COG6: variants seen among roughly 807,000 people sequenced by gnomAD.
COG6 encodes component of oligomeric golgi complex 6, also known as conserved oligomeric Golgi complex subunit 6.
COG6 carries 74 observed loss-of-function variants against 88.8 expected under a neutral mutation model. The ratio of observed to expected loss-of-function variants is 0.83; its 90% CI spans 0.69 to 1.01. COG6 has a LOEUF of 1.01. COG6 is among the 50% of genes least tolerant of loss of function. The probability of loss-of-function intolerance (pLI) is 0.00; values close to 1 mark genes in which losing one functional copy is unlikely to be tolerated. For synonymous variants in COG6, 286 were observed against 278.7 expected (o/e 1.03, Z -0.26); for missense variants, 800 against 797.9 (o/e 1.00, Z -0.03).
intron 8 of COG6, among the ~76,000 whole-genome samples, chr13:39,682,951 C>T (rs561342296): frequency 1.6e-4 from 24 of 152,054 alleles, no homozygotes; most frequent in African/African-American, 5.3e-4. Flanking sequence ...CGAGGGGACT[C>T]TTACCAAGGT....
At chr13:39,668,458 C>T (rs892370346) in intron 4 of COG6, among the ~76,000 whole-genome samples, 2 of 152,102 alleles carry the variant, frequency 1.3e-5, no homozygotes, top group African/African-American at 4.8e-5. Context: ...AAATGTTAAA[C>T]TTTATATTTT....
At chr13:39,689,587 A>G (rs992546476) in intron 10 of COG6, among the ~76,000 whole-genome samples, 173 bp from the exon 11 acceptor site, 1 of 152,104 alleles carries the variant, frequency 6.6e-6, no homozygotes. Flanking sequence ...ATGTTAACAC[A>G]ATTAGTAATG....
At chr13:39,783,491 T>A (rs2138190558) in intron 18 of COG6, among the ~76,000 whole-genome samples, 1 of 152,340 alleles carries the variant, frequency 6.6e-6, no homozygotes, top group South Asian at 2.1e-4. Flanking sequence ...TGCCTTATTT[T>A]AAAATTGTTC....
intron 18 of COG6, among the ~76,000 whole-genome samples, chr13:39,738,223 C>T (rs1879868173): frequency 6.6e-6 from 1 of 152,062 alleles, no homozygotes; most frequent in Non-Finnish European, 1.5e-5. Flanking sequence ...CTTCTATTTG[C>T]TCATCTTTCT....
At chr13:39,670,273 T>G (rs1875545408) in intron 4 of COG6, among the ~76,000 whole-genome samples, 1 of 152,132 alleles carries the variant, frequency 6.6e-6, no homozygotes, top group South Asian at 2.1e-4. Context: ...AACATACCTT[T>G]GTATTTTTAA....
Position 39,719,805 on chromosome 13 carries a change from G to A in COG6, c.1562G>A (p.Arg521His), listed in dbSNP as rs780630711. 1.6e-5 allele frequency: 25 copies of A among 1,611,622 alleles called. No individual in the cohort carries two copies. The highest frequency in any genetic ancestry group is 1.3e-4 in the Admixed American group (8 of 59,840). The change falls in exon 15 of 19, where the codon CGT becomes CAT. Residue 521 changes from arginine (R) to histidine (H), a missense_variant. Physicochemically the swap from Arg to His is conservative, Grantham distance 29. Transcript: ENST00000455146. ...GCTCTATTTGAATTCACTGACAGAC[G>A]TCTGGAAATGCTACAGTTTCAGGTA... is the stretch of plus-strand genomic sequence containing the variant. ...TLALFEFTDR[R>H]LEMLQFQIEA...
At chr13:39,662,018 AC>A (rs1489435436) in intron 3 of COG6, among the ~76,000 whole-genome samples, 5 of 151,672 alleles carry the variant, frequency 3.3e-5, no homozygotes, top group Non-Finnish European at 2.9e-5. Flanking sequence ...ATGTTTTTAT[AC>A]TTTTCATCAT....
intron 18 of COG6, among the ~76,000 whole-genome samples, chr13:39,771,148 C>T (rs1315769473): frequency 1.3e-5 from 2 of 152,118 alleles, no homozygotes; most frequent in African/African-American, 4.8e-5. Flanking sequence ...CCTGCCACTG[C>T]TTAGGGTCAT....
At position 39,677,583 on chromosome 13, in the gene COG6, T is replaced by G; in HGVS notation, c.540+4T>G. On this transcript the variant is annotated splice_donor_region_variant and intron_variant, in intron 5 of 18. Transcript: ENST00000455146. ...AAGAGAAGGACCCATTACTGAGGTATCCTGGCTTTCTGTTATAATCATTTA... is the reference window on the plus strand; with the variant it reads ...AAGAGAAGGACCCATTACTGAGGTAGCCTGGCTTTCTGTTATAATCATTTA... 6.5e-7 allele frequency: 1 copy of G among 1,527,992 alleles called. No homozygotes were observed. Among genetic ancestry groups the G allele is most frequent in the Non-Finnish European group, 9.1e-7 (1 of 1,103,316 alleles). 94.7% of individuals were successfully genotyped at this position (1,527,992 alleles called of 1,614,324 possible).
At chr13:39,665,715 G>C (rs1875212449) in intron 4 of COG6, among the ~76,000 whole-genome samples, 1 of 152,200 alleles carries the variant, frequency 6.6e-6, no homozygotes, top group Non-Finnish European at 1.5e-5. Context: ...CTCATGTGTG[G>C]AGTAGTATAG....
chr13:39,737,719 A>G (rs1431861888), intron 18 of COG6, among the ~76,000 whole-genome samples: 2 of 151,918 alleles, frequency 1.3e-5, no homozygotes, highest in Non-Finnish European at 2.9e-5. Context: ...CACAGCACAG[A>G]AGCTTGCCCA....
chr13:39,669,389 C>T (rs1875480891), intron 4 of COG6, among the ~76,000 whole-genome samples: 1 of 152,164 alleles, frequency 6.6e-6, no homozygotes, highest in South Asian at 2.1e-4. Context: ...CCTTTTTAAA[C>T]TTTTCCTGTT....
chr13:39,735,622 T>G (rs1879697208), intron 18 of COG6, among the ~76,000 whole-genome samples: 1 of 152,168 alleles, frequency 6.6e-6, no homozygotes, highest in Admixed American at 6.5e-5. Context: ...GATGATTTCT[T>G]ATTGCTCATT....
chr13:39,683,918 G>T (rs9566469), intron 8 of COG6, among the ~76,000 whole-genome samples: 109,944 of 152,028 alleles, frequency 0.72, 40,027 homozygotes, highest in Admixed American at 0.81. Context: ...TGAGAAGTCC[G>T]TGTACCTTTA....
intron 13 of COG6, among the ~76,000 whole-genome samples, chr13:39,707,649 A>C (rs558068571): frequency 3.2e-4 from 49 of 152,336 alleles, no homozygotes; most frequent in African/African-American, 1.1e-3. Flanking sequence ...ACTTCATGTA[A>C]ATAGATTCAT....
chr13:39,701,056 G>C (rs1034819027), intron 13 of COG6, among the ~76,000 whole-genome samples: 1 of 151,810 alleles, frequency 6.6e-6, no homozygotes, highest in Non-Finnish European at 1.5e-5. Context: ...GGGGAGGCTA[G>C]GTTGGAAATA....
intron 13 of COG6, among the ~76,000 whole-genome samples, chr13:39,710,036 A>T (rs753055666): frequency 6.6e-6 from 1 of 152,146 alleles, no homozygotes; most frequent in Non-Finnish European, 1.5e-5. Context: ...GTGCATTTTT[A>T]AAATAAAAAA....
At chr13:39,791,393 T>TA (rs1881933379) in exon 19 of COG6, 1 of 152,088 alleles carries the variant, frequency 6.6e-6, no homozygotes, top group Non-Finnish European at 1.5e-5. Context: ...TATCGAATGA[T>TA]CTAGGCATTG....
intron 18 of COG6, 76 bp from the exon 19 acceptor site, chr13:39,750,870 G>C: frequency 8.9e-7 from 1 of 1,122,752 alleles, no homozygotes; most frequent in South Asian, 1.3e-5. Flanking sequence ...TGATTGAAGT[G>C]TCAAGCTGTC....
Sources: allele counts gnomAD v4.1 joint callset (sites outside exome capture counted in the v4.1 genomes callset), GRCh38; gene constraint gnomAD v4.1.1; transcripts MANE v1.5; gene names NCBI Gene and HGNC (gene_info 2026-07-23, HGNC 2026-07-21).